Variants in SUCO observed in about 807,000 individuals in gnomAD.
SUCO encodes SUN domain-containing ossification factor.
Under a neutral mutation model 148.1 loss-of-function variants are expected in SUCO, and 57 were observed. That is an observed-to-expected ratio of 0.38 (90% CI 0.31 to 0.48). The LOEUF is 0.48. Among genes scored for constraint, SUCO ranks in the 20% least tolerant of loss-of-function variants. The pLI is 0.96. For synonymous variants in SUCO, 470 were observed against 502.7 expected (o/e 0.93, Z 0.87); for missense variants, 1,331 against 1,468.2 (o/e 0.91, Z 1.53).
intron 19 of SUCO, among the ~76,000 whole-genome samples, chr1:172,598,395 T>C (rs548885452): frequency 3.6e-4 from 55 of 152,358 alleles, no homozygotes; most frequent in South Asian, 3.1e-3. Flanking sequence ...TCCAATTTTA[T>C]TCTTTTACAA....
intron 19 of SUCO, among the ~76,000 whole-genome samples, chr1:172,594,505 A>C (rs1340804686): frequency 3.9e-5 from 6 of 152,204 alleles, no homozygotes; most frequent in Non-Finnish European, 7.3e-5. Context: ...GTTTCAAAGA[A>C]CATCTTTATT....
chr1:172,562,568 C>T (rs982481829), intron 6 of SUCO, among the ~76,000 whole-genome samples: 1 of 152,170 alleles, frequency 6.6e-6, no homozygotes, highest in Non-Finnish European at 1.5e-5. Context: ...GATCTCTTGA[C>T]CTCGTGATCA....
At position 172,611,587 on chromosome 1, in the gene SUCO, T is replaced by G. The variant is rs927737624; in HGVS notation, c.*1328T>G. ...CTTTTTTGTTTGTTTAAGTTGCTGC[T>G]TTAGGTTAACAGCGTGTTTTAGAAG... On this transcript the variant is annotated 3_prime_UTR_variant, in exon 24 of 24. Coordinates refer to ENST00000263688, the MANE Select transcript of SUCO (RefSeq NM_014283.5). 3 of 152,640 alleles carry G rather than the reference T, an allele frequency of 2.0e-5. No homozygotes were observed. The highest frequency in any genetic ancestry group is 7.2e-5 in the African/African-American group (3 of 41,458). The allele number at this position is 152,640 out of a possible 1,614,324, so 9.5% of individuals were successfully genotyped here. A position where few individuals can be genotyped will look rare whatever the true frequency, so the allele number is the denominator to read the frequency against.
Position 172,555,910 on chromosome 1 carries a change from A to G in SUCO, c.330A>G (p.Thr110=), listed in dbSNP as rs781135154. Residue 110 remains threonine (T), a synonymous_variant, in exon 4 of 24, where the codon ACA becomes ACG. Coordinates refer to ENST00000263688, the MANE Select transcript of SUCO (RefSeq NM_014283.5). ...AGTTAAGTCCACCGGTGGTGGAGAC[A>G]CTCCCTACAGTTGATTTGCATGAAG... ...SKKLSPPVVE[T]LPTVDLHEES... 2.9e-4 allele frequency: 461 copies of G among 1,612,458 alleles called. No homozygotes were observed. The highest frequency in any genetic ancestry group is 3.8e-4 in the Non-Finnish European group (448 of 1,178,984).
chr1:172,568,617 T>C (rs976898571), intron 6 of SUCO, among the ~76,000 whole-genome samples: 2 of 152,200 alleles, frequency 1.3e-5, no homozygotes, highest in African/African-American at 4.8e-5. Context: ...ATTGTGGAAA[T>C]AATATTAAAA....
chr1:172,574,582 T>C (rs944992105), intron 10 of SUCO, among the ~76,000 whole-genome samples: 6 of 152,092 alleles, frequency 3.9e-5, no homozygotes, highest in African/African-American at 1.4e-4. Flanking sequence ...TATGCACTTA[T>C]TTATTAATTC....
chr1:172,578,025 T>G (rs1026677633), intron 13 of SUCO, among the ~76,000 whole-genome samples: 1 of 151,926 alleles, frequency 6.6e-6, no homozygotes, highest in Non-Finnish European at 1.5e-5. Context: ...TATATTTGTT[T>G]TAACTTGCTT....
chr1:172,557,839 AT>A, intron 6 of SUCO, 45 bp downstream of exon 6: 1 of 1,413,164 alleles, frequency 7.1e-7, no homozygotes. Flanking sequence ...TATGTAATGC[AT>A]TTTTGTTATT....
At chr1:172,592,804 T>A (rs536809212) in intron 19 of SUCO, among the ~76,000 whole-genome samples, 1 of 152,336 alleles carries the variant, frequency 6.6e-6, no homozygotes, top group Admixed American at 6.5e-5. Flanking sequence ...TTTTTTCCAA[T>A]TCTGTAAAGA....
intron 6 of SUCO, among the ~76,000 whole-genome samples, chr1:172,563,743 T>C (rs921240851): frequency 1.3e-5 from 2 of 152,176 alleles, no homozygotes; most frequent in Non-Finnish European, 2.9e-5. Flanking sequence ...CTGCAGAAAT[T>C]TGCATAAGTA....
intron 22 of SUCO, among the ~76,000 whole-genome samples, chr1:172,607,837 TGACTTTCTCAATAAA>T (rs1657960160): frequency 6.6e-6 from 1 of 152,014 alleles, no homozygotes; most frequent in Non-Finnish European, 1.5e-5. Flanking sequence ...ATATATTTGA[TGACTTTCTCAATAAA>T]TCTCTGAAAT....
chr1:172,602,376 G>T lies in SUCO; in HGVS notation c.3173+158G>T, dbSNP rs574283071. The T allele has an allele frequency of 2.3e-3, 2,292 of 977,874 alleles. 5 individuals carry two copies. The highest frequency in any genetic ancestry group is 2.6e-3 in the Non-Finnish European group (2,167 of 823,248). 60.6% of individuals were successfully genotyped at this position (977,874 alleles called of 1,614,324 possible). On this transcript the variant is annotated intron_variant, in intron 21 of 23. Transcript: ENST00000263688. ...AAAAACATCATTCGATAGTAAGATG[G>T]TCCTATGCCTAACCTGGCTCTGTAG...
upstream of SUCO, chr1:172,532,737 C>G: frequency 6.2e-7 from 1 of 1,613,966 alleles, no homozygotes; most frequent in East Asian, 2.2e-5. Flanking sequence ...AAAACGAATT[C>G]TGGAAGGCAA....
Position 172,588,883 on chromosome 1 carries a change from C to T in SUCO, c.1782C>T (p.Thr594=). 1 of 1,613,344 alleles carries T rather than the reference C, an allele frequency of 6.2e-7. No individual in the cohort carries two copies. Among genetic ancestry groups the T allele is most frequent in the Non-Finnish European group, 8.5e-7 (1 of 1,179,700 alleles). The change falls in exon 18 of 24, where the codon ACC becomes ACT. Residue 594 remains threonine (T), a synonymous_variant. Coordinates refer to ENST00000263688, the MANE Select transcript of SUCO (RefSeq NM_014283.5). ...EEEEASPSTV[T]LLGSGEQEDE... The stretch of plus-strand genomic sequence containing the variant: ...AGGAGGCAAGTCCATCTACAGTGAC[C>T]CTTCTGGGCAGCGGTGAACAGGAAG...
chr1:172,596,788 T>C (rs1265289132), intron 19 of SUCO, among the ~76,000 whole-genome samples: 4 of 152,232 alleles, frequency 2.6e-5, no homozygotes, highest in South Asian at 2.1e-4. Context: ...AACTCCATGC[T>C]TGGAGAACCA....
At chr1:172,539,274 A>T (rs1252213819) in intron 1 of SUCO, among the ~76,000 whole-genome samples, 1 of 152,212 alleles carries the variant, frequency 6.6e-6, no homozygotes, top group Non-Finnish European at 1.5e-5. Context: ...TTTGTTTAGT[A>T]GTTTATACAT....
intron 13 of SUCO, 92 bp downstream of exon 13, chr1:172,577,911 T>TA (rs1273547995): frequency 1.1e-6 from 1 of 941,642 alleles, no homozygotes; most frequent in African/African-American, 1.7e-5. Flanking sequence ...AATTTTCTCT[T>TA]ACGTGAGTTA....
chr1:172,589,127 T>A lies in SUCO; in HGVS notation c.2026T>A (p.Ser676Thr). ...ACTTCCTGCGGAATCAGTAGATGTT[T>A]CAGTATTGCAACCTCTGAGTGGAGA... ...LLLPAESVDV[S>T]VLQPLSGELE... Residue 676 changes from serine (S) to threonine (T), a missense_variant, in exon 18 of 24, where the codon TCA becomes ACA. By Grantham distance (58) the Ser-to-Thr change is moderately conservative (BLOSUM62 1). Coordinates refer to ENST00000263688, the MANE Select transcript of SUCO (RefSeq NM_014283.5). The A allele has an allele frequency of 6.2e-7, 1 of 1,613,700 alleles. No individual in the cohort carries two copies.
rs754473185 is a variant in SUCO, at chr1:172,578,377, G to A, written c.1420G>A (p.Asp474Asn). Reference protein sequence around the residue: ...QYHSERQELFDEDYDYPLDYN... With the variant: ...QYHSERQELFNEDYDYPLDYN... ...TCACTCAGAACGCCAGGAACTATTT[G>A]ATGAGGACTATGGTAAGTGACATCA... The change falls in exon 14 of 24, where the codon GAT (aspartate) becomes AAT (asparagine). Residue 474 changes from aspartate (D) to asparagine (N), a missense_variant. This residue lies in a region of SUCO where 992 missense variants were observed against 1,093.5 expected (regional missense o/e 0.91). Transcript: ENST00000263688. 2.6e-5 allele frequency: 42 copies of A among 1,611,848 alleles called. No homozygotes were observed. The highest frequency in any genetic ancestry group is 8.3e-5 in the Admixed American group (5 of 59,958).
Sources: gnomAD v4.1 joint callset for allele counts (sites outside exome capture counted in the v4.1 genomes callset) on GRCh38, gnomAD v4.1.1 for gene constraint, gnomAD v4.1.1 regional missense constraint, MANE v1.5 for transcripts, NCBI Gene and HGNC (gene_info 2026-07-23, HGNC 2026-07-21) for gene names.